The following B4GALT4 variants were observed in gnomAD, a reference collection of about 807,000 sequenced individuals.
B4GALT4 encodes N-acetyllactosamine synthase.
In B4GALT4, 27 loss-of-function variants were observed where a neutral mutation model predicts 37.3. The ratio of observed to expected loss-of-function variants is 0.72; its 90% confidence interval spans 0.53 to 1.00. The LOEUF (loss-of-function observed/expected upper bound fraction) is 1.00, where lower values mean the gene tolerates loss of function less well. Ranked by LOEUF, B4GALT4 falls within the 50% of genes least tolerant of loss-of-function variation. B4GALT4 has a pLI of 0.00. For missense variants in B4GALT4, 372 were observed against 413.1 expected (o/e 0.90, Z 0.86); for synonymous variants, 148 against 154.1 (o/e 0.96, Z 0.29).
chr3:119,230,814 A>G (rs2078789382), intron 2 of B4GALT4, among the ~76,000 whole-genome samples: 2 of 152,226 alleles, frequency 1.3e-5, no homozygotes, highest in African/African-American at 4.8e-5. Flanking sequence ...GTCTGTCAAG[A>G]AACATTATGA....
chr3:119,217,842 CAAAA>C (rs57522373), intron 6 of B4GALT4, among the ~76,000 whole-genome samples: 38 of 87,790 alleles, frequency 4.3e-4, no homozygotes, highest in East Asian at 1.2e-3. Flanking sequence ...GACTTTGTCT[CAAAA>C]AAAAAAAAAA....
At chr3:119,240,081 G>C (rs1374406691) in intron 1 of B4GALT4, 2 of 151,146 alleles carry the variant, frequency 1.3e-5, no homozygotes, top group Non-Finnish European at 2.9e-5. Flanking sequence ...AAACGGCTGA[G>C]GAGGTCTACC....
chr3:119,231,964 T>A (rs1460655085), intron 2 of B4GALT4, among the ~76,000 whole-genome samples: 5 of 151,570 alleles, frequency 3.3e-5, no homozygotes, highest in African/African-American at 1.2e-4. Flanking sequence ...ACAAAGTGAA[T>A]TTTTTTAATG....
At position 119,226,985 on chromosome 3, in the gene B4GALT4, C is replaced by T; in HGVS notation, c.310G>A (p.Glu104Lys). ...CGGCCTCTGGACACTTTGGGATTTT[C>T]TGCCTGTACCTCTTCCAAAGTGAGA... ...PDLTLEEVQA[E>K]NPKVSRGRYR... Residue 104 changes from glutamate to lysine, a missense_variant, in exon 4 of 8, where the codon GAA (glutamate) becomes AAA (lysine). Coordinates refer to ENST00000393765, the MANE Select transcript of B4GALT4 (RefSeq NM_003778.4). 1 of 1,614,190 alleles carries T rather than the reference C, an allele frequency of 6.2e-7. No individual in the cohort carries two copies. The highest frequency in any genetic ancestry group is 8.5e-7 in the Non-Finnish European group (1 of 1,180,034).
intron 3 of B4GALT4, among the ~76,000 whole-genome samples, chr3:119,227,330 T>C (rs2078654354): frequency 6.6e-6 from 1 of 152,214 alleles, no homozygotes; most frequent in Admixed American, 6.5e-5. Context: ...GGGAATATCC[T>C]GGTGAACTCT....
intron 1 of B4GALT4, among the ~76,000 whole-genome samples, chr3:119,238,005 G>A (rs1283645396): frequency 2.0e-5 from 3 of 152,172 alleles, no homozygotes; most frequent in African/African-American, 7.2e-5. Flanking sequence ...GATGGCTCAT[G>A]CCTGTAATCC....
chr3:119,211,995 T>C lies in B4GALT4; in HGVS notation c.*554A>G. 1 of 601,362 alleles carries C rather than the reference T, an allele frequency of 1.7e-6. No homozygotes were observed. The allele number at this position is 601,362 out of a possible 1,614,324, so 37.3% of individuals were successfully genotyped here. Reference sequence around the variant, plus strand: ...CTTTGCAGCCGACACTCCACCCTCCTGCTACCTCTTCATTCCCAAGTTCAC... The same window carrying C: ...CTTTGCAGCCGACACTCCACCCTCCCGCTACCTCTTCATTCCCAAGTTCAC... On this transcript the variant is annotated 3_prime_UTR_variant, in exon 8 of 8. Transcript: ENST00000393765.
intron 5 of B4GALT4, 146 bp from the exon 6 acceptor site, chr3:119,218,918 G>T: frequency 2.2e-6 from 2 of 928,934 alleles, no homozygotes; most frequent in Non-Finnish European, 3.2e-6. Flanking sequence ...ACCTCCCAAT[G>T]CTCCTGGCCT....
At chr3:119,235,530 A>G (rs1218267716) in intron 2 of B4GALT4, among the ~76,000 whole-genome samples, 1 of 152,210 alleles carries the variant, frequency 6.6e-6, no homozygotes, top group Non-Finnish European at 1.5e-5. Context: ...GCAACACCAG[A>G]AGAAAGACTG....
intron 4 of B4GALT4, among the ~76,000 whole-genome samples, chr3:119,225,400 C>CT (rs775504134): frequency 2.5e-4 from 38 of 150,990 alleles, no homozygotes; most frequent in Admixed American, 4.6e-4. Context: ...TTCTCTTTTT[C>CT]TTTTTTTTTA....
chr3:119,236,325 A>G (rs987530525), intron 2 of B4GALT4: 1 of 151,402 alleles, frequency 6.6e-6, no homozygotes, highest in Non-Finnish European at 1.5e-5. Context: ...AAAAAAACAG[A>G]CATTAGTAGG....
chr3:119,219,087 C>T (rs1219682311), intron 5 of B4GALT4, among the ~76,000 whole-genome samples: 1 of 152,154 alleles, frequency 6.6e-6, no homozygotes, highest in African/African-American at 2.4e-5. Context: ...GATTTCATCT[C>T]ATGTGCCAAT....
At chr3:119,215,021 A>G (rs1373470630) in intron 7 of B4GALT4, 2 of 152,228 alleles carry the variant, frequency 1.3e-5, no homozygotes, top group African/African-American at 4.8e-5. Flanking sequence ...CCCAAAAATA[A>G]GATTCTGTTC....
intron 6 of B4GALT4, among the ~76,000 whole-genome samples, chr3:119,217,842 CAAAAAAAAAAAA>C (rs57522373): frequency 1.1e-5 from 1 of 87,806 alleles, no homozygotes; most frequent in African/African-American, 4.6e-5. Flanking sequence ...GACTTTGTCT[CAAAAAAAAAAAA>C]AAAAAAAAAA....
chr3:119,235,539 T>C (rs59448071), intron 2 of B4GALT4, among the ~76,000 whole-genome samples: 28,656 of 152,132 alleles, frequency 0.19, 2,870 homozygotes, highest in Admixed American at 0.26. Flanking sequence ...GAAGAAAGAC[T>C]GATTATTTTG....
rs573585759 is a variant in B4GALT4, at chr3:119,212,353, T to A, written c.*196A>T. On this transcript the variant is annotated 3_prime_UTR_variant, in exon 8 of 8. Coordinates refer to ENST00000393765, the MANE Select transcript of B4GALT4 (RefSeq NM_003778.4). ...ATTTAACCCTCATGATCAAAATGAC[T>A]AAGAAAGCTGTCTTGTTACAACTGT... 1.6e-4 allele frequency: 106 copies of A among 642,772 alleles called. No homozygotes were observed. The East Asian group carries it at 2.5e-3, about 15-fold the overall frequency. 39.8% of individuals were successfully genotyped at this position (642,772 alleles called of 1,614,324 possible). A position where few individuals can be genotyped will look rare whatever the true frequency, so the allele number is the denominator to read the frequency against.
At chr3:119,218,806 T>C in intron 5 of B4GALT4, 34 bp from the exon 6 acceptor site, 2 of 1,612,358 alleles carry the variant, frequency 1.2e-6, no homozygotes, top group South Asian at 2.2e-5. Flanking sequence ...ATGGTAAGAA[T>C]ATTCGCACCA....
chr3:119,213,602 C>T (rs1282337910), intron 7 of B4GALT4: 3 of 152,222 alleles, frequency 2.0e-5, no homozygotes, highest in South Asian at 2.1e-4. Context: ...AAATACTTAT[C>T]ACAAAAATTC....
In B4GALT4 at chr3:119,216,272, A is replaced by G. The variant is rs2078286774; in HGVS notation, c.870T>C (p.Thr290=). The G allele has an allele frequency of 1.2e-6, 2 of 1,613,784 alleles. No individual in the cohort carries two copies. The highest frequency in any genetic ancestry group is 2.2e-5 in the East Asian group (1 of 44,866). Reference sequence around the variant, plus strand: ...CGTTCACCTCATTGCCTTTGTCTCTAGTGTGGAAGACCATTGTATATTTAC... The same window carrying G: ...CGTTCACCTCATTGCCTTTGTCTCTGGTGTGGAAGACCATTGTATATTTAC... ...EVGKYTMVFH[T]RDKGNEVNAE... Residue 290 remains threonine (T), a synonymous_variant, in exon 7 of 8, where the codon ACT becomes ACC. Transcript: ENST00000393765.
Sources: allele counts gnomAD v4.1 joint callset (sites outside exome capture counted in the v4.1 genomes callset), GRCh38; gene constraint gnomAD v4.1.1; transcripts MANE v1.5; gene names NCBI Gene and HGNC (gene_info 2026-07-23, HGNC 2026-07-21).